Variants in FSTL4 observed in about 807,000 individuals in gnomAD.
FSTL4 encodes the protein follistatin-related protein 4.
Under a neutral mutation model 78.2 loss-of-function variants are expected in FSTL4, and 28 were observed. The observed-to-expected ratio is 0.36, with a 90% CI of 0.27 to 0.49. FSTL4 has a LOEUF of 0.49. Among genes scored for constraint, FSTL4 ranks in the 20% least tolerant of loss-of-function variants. The pLI is 0.98. For synonymous variants in FSTL4, 422 were observed against 440.5 expected, an observed-to-expected ratio of 0.96 and a Z score of 0.53; for missense variants, 922 against 1,084.9, an observed-to-expected ratio of 0.85 and a Z score of 2.11.
intron 14 of FSTL4, among the ~76,000 whole-genome samples, chr5:133,204,765 A>AGAG (rs1750439206): frequency 6.6e-6 from 1 of 150,868 alleles, no homozygotes; most frequent in African/African-American, 2.5e-5. Context: ...GAACCCGGGA[A>AGAG]GAGGAGGTTG....
At chr5:133,522,818 T>C (rs535457084) in intron 3 of FSTL4, among the ~76,000 whole-genome samples, 63 of 152,366 alleles carry the variant, frequency 4.1e-4, no homozygotes, top group Admixed American at 1.1e-3. Flanking sequence ...TTTGAAACGC[T>C]AAGTGCCTCG....
chr5:133,476,219 C>T (rs564414607), intron 3 of FSTL4, among the ~76,000 whole-genome samples: 8 of 152,252 alleles, frequency 5.3e-5, no homozygotes, highest in African/African-American at 1.7e-4. Flanking sequence ...CCTTTGGAGG[C>T]TCTGTCATTC....
chr5:133,482,752 G>T (rs1011399038), intron 3 of FSTL4, among the ~76,000 whole-genome samples: 1 of 152,122 alleles, frequency 6.6e-6, no homozygotes, highest in African/African-American at 2.4e-5. Context: ...GGCCTCCCAG[G>T]GAGGGCAGGG....
intron 6 of FSTL4, among the ~76,000 whole-genome samples, chr5:133,299,886 G>A (rs1454813691): frequency 2.6e-5 from 4 of 152,196 alleles, no homozygotes; most frequent in Non-Finnish European, 5.9e-5. Context: ...TGTCTACAGG[G>A]CAGACATCTG....
chr5:133,698,028 C>T, the FSTL4 span, among the ~76,000 whole-genome samples: 2 of 152,078 alleles, frequency 1.3e-5, no homozygotes, highest in Non-Finnish European at 2.9e-5. Context: ...TTCTTTTTTC[C>T]CAATTCAATT....
At chr5:133,297,581 G>T (rs1208848254) in intron 6 of FSTL4, among the ~76,000 whole-genome samples, 1 of 152,178 alleles carries the variant, frequency 6.6e-6, no homozygotes. Flanking sequence ...ATAATGTTAA[G>T]CTGCTTAACA....
At chr5:133,448,739 C>CG (rs1187966204) in intron 3 of FSTL4, among the ~76,000 whole-genome samples, 6,798 of 18,776 alleles carry the variant, frequency 0.36, 765 homozygotes, top group Non-Finnish European at 0.48. Context: ...GGTGCGGGGG[C>CG]GGGGGGGGGG....
At chr5:133,259,183 G>A (rs1271909913) in intron 6 of FSTL4, among the ~76,000 whole-genome samples, 1 of 149,174 alleles carries the variant, frequency 6.7e-6, no homozygotes, top group Non-Finnish European at 1.5e-5. Flanking sequence ...GTGTGTGTGG[G>A]GGGTGGGTGC....
rs1297010403 is a variant in FSTL4, at chr5:133,236,830, A to C, written c.895-3293T>G. On this transcript the variant is annotated intron_variant, in intron 7 of 15. Transcript: ENST00000265342. The surrounding 1 kb of genome is among the most constrained non-coding windows in gnomAD (Gnocchi z 5.0). ...ATTTCTGGAGCCTAACCTCTTCCCC[A>C]CACCCTGCTTGGCGCCTCCTGTGGA... Among the ~76,000 whole-genome samples the C allele has an allele frequency of 6.6e-6, 1 of 151,884 alleles. No individual in the cohort carries two copies. Among genetic ancestry groups the C allele is most frequent in the African/African-American group, 2.4e-5 (1 of 41,320 alleles).
At chr5:133,202,727 C>T (rs548693827) in intron 14 of FSTL4, 19 of 152,368 alleles carry the variant, frequency 1.2e-4, no homozygotes, top group African/African-American at 4.3e-4. Context: ...GTCCTGGTCT[C>T]ACACAGGAGA....
In FSTL4 at chr5:133,338,770, C is replaced by G. The variant is rs1165232045; in HGVS notation, c.410-22118G>C. On this transcript the variant is annotated intron_variant, in intron 4 of 15. Transcript: ENST00000265342. The surrounding 1 kb of genome is among the most constrained non-coding windows in gnomAD (Gnocchi z 4.0). ...GCCGACAACCCCTCCACCCAAGCCC[C>G]CTGCTTCCCAAATCGCACACCTGGC... 6.6e-6 allele frequency among the ~76,000 whole-genome samples: 1 copy of G among 152,118 alleles called. No individual in the cohort carries two copies. The highest frequency in any genetic ancestry group is 1.5e-5 in the Non-Finnish European group (1 of 68,014).
chr5:133,676,843 T>C, the FSTL4 span, among the ~76,000 whole-genome samples: 6 of 152,258 alleles, frequency 3.9e-5, no homozygotes, highest in Non-Finnish European at 8.8e-5. Context: ...TTTCTTTACT[T>C]CTCTTGTCTA....
chr5:133,532,787 A>T (rs139612856), intron 3 of FSTL4, among the ~76,000 whole-genome samples: 6 of 152,324 alleles, frequency 3.9e-5, no homozygotes, highest in African/African-American at 1.4e-4. Flanking sequence ...TGGCTCAGAA[A>T]GGCCGGTCAC....
the FSTL4 span, among the ~76,000 whole-genome samples, chr5:133,830,483 C>G: frequency 6.6e-6 from 1 of 152,312 alleles, no homozygotes; most frequent in South Asian, 2.1e-4. Flanking sequence ...CCTCACTGTA[C>G]TCACTCTCCC....
chr5:133,775,869 G>C, the FSTL4 span, among the ~76,000 whole-genome samples: 10 of 152,126 alleles, frequency 6.6e-5, no homozygotes, highest in Admixed American at 6.6e-5. Flanking sequence ...AAAAGACGAT[G>C]GTGAAGGGAA....
intron 4 of FSTL4, among the ~76,000 whole-genome samples, chr5:133,375,520 G>T (rs1355981767): frequency 6.6e-6 from 1 of 151,894 alleles, no homozygotes; most frequent in East Asian, 1.9e-4. Context: ...TGCCTTGATT[G>T]AAATAGCCAA....
chr5:133,576,087 T>C (rs147491372), intron 2 of FSTL4, among the ~76,000 whole-genome samples: 1 of 152,016 alleles, frequency 6.6e-6, no homozygotes, highest in East Asian at 1.9e-4. Flanking sequence ...AACTACACAA[T>C]CCTTATTTTT....
chr5:133,635,926 G>A, the FSTL4 span, among the ~76,000 whole-genome samples: 5 of 152,252 alleles, frequency 3.3e-5, no homozygotes, highest in Admixed American at 6.5e-5. Flanking sequence ...CCGTGGGCAC[G>A]AATGACCATG....
At chr5:133,363,658 C>A (rs1305320754) in intron 4 of FSTL4, among the ~76,000 whole-genome samples, 3 of 152,164 alleles carry the variant, frequency 2.0e-5, no homozygotes, top group Non-Finnish European at 2.9e-5. Context: ...TGCTCCTGAA[C>A]CTCCAGCCAG....
Sources: gnomAD v4.1 joint callset for allele counts (sites outside exome capture counted in the v4.1 genomes callset) on GRCh38, gnomAD v4.1.1 for gene constraint, Gnocchi (gnomAD v3.1) non-coding constraint, MANE v1.5 for transcripts, NCBI Gene and HGNC (gene_info 2026-07-23, HGNC 2026-07-21) for gene names.